Variants in QKI observed in about 807,000 individuals in gnomAD.
QKI encodes the protein KH domain-containing RNA-binding protein QKI.
In QKI, 10 loss-of-function variants were observed where a neutral mutation model predicts 39.0. That is an observed-to-expected ratio of 0.26 (90% CI 0.16 to 0.43). The LOEUF (loss-of-function observed/expected upper bound fraction) is 0.43, where lower values mean the gene tolerates loss of function less well. Among genes scored for constraint, QKI ranks in the 20% least tolerant of loss-of-function variants. The pLI, the probability that QKI is intolerant of heterozygous loss-of-function variation, is 1.00. For missense variants in QKI, 218 were observed against 428.0 expected (o/e 0.51, Z 4.33); for synonymous variants, 204 against 155.4 (o/e 1.31, Z -2.33).
intron 1 of QKI, among the ~76,000 whole-genome samples, chr6:163,435,903 A>C (rs577535562): frequency 1.3e-5 from 2 of 152,276 alleles, no homozygotes; most frequent in South Asian, 4.2e-4. Context: ...AATGGTAGAA[A>C]ATTTCTATTA....
At chr6:163,510,694 A>G (rs1394055722) in intron 3 of QKI, among the ~76,000 whole-genome samples, 2 of 152,188 alleles carry the variant, frequency 1.3e-5, no homozygotes, top group Admixed American at 1.3e-4. Context: ...ATAGATTGCA[A>G]CAGAAAAATT....
At chr6:163,455,794 A>AC (rs1790868654) in intron 2 of QKI, among the ~76,000 whole-genome samples, 2 of 152,188 alleles carry the variant, frequency 1.3e-5, no homozygotes, top group African/African-American at 4.8e-5. Flanking sequence ...AAGGTGTTGG[A>AC]CCATAAGTTT....
In QKI at chr6:163,420,585, G is replaced by T. The variant is rs1035112390; in HGVS notation, c.142+5250G>T. Among the ~76,000 whole-genome samples, 3 of 152,128 alleles carry T rather than the reference G, an allele frequency of 2.0e-5. No individual in the cohort carries two copies. In the East Asian group the frequency reaches 5.8e-4, roughly 29 times the overall value. On this transcript the variant is annotated intron_variant, in intron 1 of 7. Transcript: ENST00000361752. ...AGCTTTTTATTTACATGATCAACGGGACTTCATTTTTTTCTCCAGTCCCTC... is the reference window on the plus strand; with the variant it reads ...AGCTTTTTATTTACATGATCAACGGTACTTCATTTTTTTCTCCAGTCCCTC...
At chr6:163,560,761 A>G (rs1478190491) in intron 4 of QKI, among the ~76,000 whole-genome samples, 2 of 152,212 alleles carry the variant, frequency 1.3e-5, no homozygotes, top group Non-Finnish European at 2.9e-5. Flanking sequence ...GAATGTTGAG[A>G]AACATGATGA....
At chr6:163,533,028 A>C (rs997546141) in intron 3 of QKI, among the ~76,000 whole-genome samples, 1 of 152,014 alleles carries the variant, frequency 6.6e-6, no homozygotes, top group African/African-American at 2.4e-5. Flanking sequence ...TCCTGTTACT[A>C]TATCTTGCCT....
At chr6:163,549,289 G>A (rs1289739808) in intron 4 of QKI, among the ~76,000 whole-genome samples, 2 of 152,158 alleles carry the variant, frequency 1.3e-5, no homozygotes, top group Admixed American at 6.6e-5. Flanking sequence ...GAGGGGATAT[G>A]CAGGAAGTAT....
In QKI at chr6:163,419,776, C is replaced by G. The variant is rs150334323; in HGVS notation, c.142+4441C>G. Among the ~76,000 whole-genome samples the G allele has an allele frequency of 7.1e-3, 1,078 of 152,310 alleles. 24 individuals carry two copies. Among genetic ancestry groups the G allele is most frequent in the African/African-American group, 0.025 (1,023 of 41,582 alleles). ...TAGTAAAAGTTGTATCCGACTGTAA[C>G]ACAGTTGAGTTGATAGAAATAGGTC... is the stretch of plus-strand genomic sequence containing the variant. On this transcript the variant is annotated intron_variant, in intron 1 of 7. Transcript: ENST00000361752.
At chr6:163,421,496 G>C (rs1206793525) in intron 1 of QKI, among the ~76,000 whole-genome samples, 3 of 152,098 alleles carry the variant, frequency 2.0e-5, no homozygotes, top group Non-Finnish European at 4.4e-5. Context: ...TCCATGCAGG[G>C]CACAATAGAT....
At chr6:163,481,028 G>A (rs896796272) in intron 3 of QKI, among the ~76,000 whole-genome samples, 1 of 152,108 alleles carries the variant, frequency 6.6e-6, no homozygotes, top group South Asian at 2.1e-4. Flanking sequence ...TGATTATACT[G>A]TTGCACTCTT....
chr6:163,448,337 T>G (rs888785919), intron 1 of QKI, among the ~76,000 whole-genome samples: 3 of 122,280 alleles, frequency 2.5e-5, no homozygotes, highest in African/African-American at 1.0e-4. Flanking sequence ...TAGCTTGGGT[T>G]TTTTTTTTTT....
At chr6:163,500,734 C>A (rs1474864553) in intron 3 of QKI, among the ~76,000 whole-genome samples, 1 of 152,040 alleles carries the variant, frequency 6.6e-6, no homozygotes, top group Admixed American at 6.6e-5. Flanking sequence ...AGAGAAAAAA[C>A]CAACAAATAC....
At chr6:163,562,828 A>G (rs1783117067) in intron 5 of QKI, among the ~76,000 whole-genome samples, 1 of 152,224 alleles carries the variant, frequency 6.6e-6, no homozygotes, top group Admixed American at 6.5e-5. Flanking sequence ...TACTTTACAA[A>G]TTGTTGACAT....
intron 7 of QKI, 176 bp from the exon 8 acceptor site, chr6:163,570,518 A>G (rs745617734): frequency 3.0e-5 from 29 of 976,066 alleles, no homozygotes; most frequent in Non-Finnish European, 3.4e-5. Context: ...TCATGATTTT[A>G]ATTGTATTCT....
chr6:163,479,023 C>T (rs545029615), intron 3 of QKI, 127 bp downstream of exon 3: 77 of 697,046 alleles, frequency 1.1e-4, no homozygotes, highest in East Asian at 1.9e-4. Context: ...CGGTGGCTCA[C>T]GCCTGTAATC....
intron 6 of QKI, chr6:163,564,113 A>C (rs1268004825): frequency 3.8e-6 from 4 of 1,040,524 alleles, no homozygotes; most frequent in Non-Finnish European, 4.6e-6. Flanking sequence ...AATTGTTGGA[A>C]AATTTTTAAA....
chr6:163,460,181 T>C (rs1405834844), intron 2 of QKI, among the ~76,000 whole-genome samples: 1 of 152,222 alleles, frequency 6.6e-6, no homozygotes, highest in African/African-American at 2.4e-5. Context: ...TTGGACATGA[T>C]GATTAAATTG....
At chr6:163,428,648 A>G (rs1044418324) in intron 1 of QKI, among the ~76,000 whole-genome samples, 5 of 152,108 alleles carry the variant, frequency 3.3e-5, no homozygotes, top group African/African-American at 1.2e-4. Context: ...ATGCTTTGCA[A>G]TTGTTGAAAT....
chr6:163,553,535 G>T (rs994598423), intron 4 of QKI, among the ~76,000 whole-genome samples: 6 of 151,842 alleles, frequency 4.0e-5, no homozygotes, highest in African/African-American at 1.2e-4. Flanking sequence ...AACTTTGGAG[G>T]TGTTTTTTTT....
At chr6:163,478,656 A>G in intron 2 of QKI, 124 bp from the exon 3 acceptor site, 3 of 658,612 alleles carry the variant, frequency 4.6e-6, no homozygotes, top group Non-Finnish European at 2.6e-6. Flanking sequence ...TCTAGATTTT[A>G]TTTCAACTTA....
Sources: allele counts gnomAD v4.1 joint callset (sites outside exome capture counted in the v4.1 genomes callset), GRCh38; gene constraint gnomAD v4.1.1; transcripts MANE v1.5; gene names NCBI Gene and HGNC (gene_info 2026-07-23, HGNC 2026-07-21).